COL9A3: variants seen among roughly 807,000 people sequenced by gnomAD.
COL9A3 encodes collagen alpha-3(IX) chain.
COL9A3 carries 82 observed loss-of-function variants against 110.2 expected under a neutral mutation model. That is an observed-to-expected ratio of 0.74 (90% confidence interval 0.62 to 0.89). The LOEUF (loss-of-function observed/expected upper bound fraction) is 0.89, where lower values mean the gene tolerates loss of function less well. COL9A3 is among the 40% of genes least tolerant of loss of function. The pLI is 0.00. For missense variants in COL9A3, 1,066 were observed against 981.3 expected (o/e 1.09, Z -1.15); for synonymous variants, 494 against 403.8 (o/e 1.22, Z -2.68).
intron 4 of COL9A3, 113 bp from the exon 5 acceptor site, chr20:62,819,816 C>A (rs1991059444): frequency 8.4e-7 from 1 of 1,189,290 alleles, no homozygotes; most frequent in African/African-American, 1.5e-5. Context: ...CCCTAAGGGT[C>A]TTCTATGCCT....
intron 16 of COL9A3, among the ~76,000 whole-genome samples, chr20:62,827,583 C>T (rs1378291097): frequency 1.3e-5 from 2 of 152,198 alleles, no homozygotes; most frequent in Non-Finnish European, 2.9e-5. Context: ...CCAGAGAAAA[C>T]GGCTCTCGGG....
intron 8 of COL9A3, 137 bp downstream of exon 8, chr20:62,821,947 CCCTGGCCAATGAT>C: frequency 1.3e-6 from 1 of 751,778 alleles, no homozygotes; most frequent in Non-Finnish European, 2.4e-6. Flanking sequence ...TTGGTAGAAG[CCCTGGCCAATGAT>C]CCAGACCCGA....
Position 62,818,520 on chromosome 20 carries a change from A to G in COL9A3, c.150A>G (p.Gly50=). ...CATGTGGGTGTCTTTCCTCACAGGG[A>G]GAAGCTGGTCCTCCAGGTCTGCCTG... is the stretch of plus-strand genomic sequence containing the variant. The part of the protein sequence containing the change: ...PGKPGQDGID[G]EAGPPGLPGP... The change falls in exon 3 of 32, where the codon GGA becomes GGG. Residue 50 remains glycine (G), a splice_region_variant and synonymous_variant. Coordinates refer to ENST00000649368, the MANE Select transcript of COL9A3 (RefSeq NM_001853.4). The G allele has an allele frequency of 1.2e-6, 2 of 1,613,110 alleles. No individual in the cohort carries two copies. The highest frequency in any genetic ancestry group is 8.5e-7 in the Non-Finnish European group (1 of 1,179,956).
Position 62,837,202 on chromosome 20 carries a change from G to A in COL9A3, c.1723G>A (p.Gly575Ser). The change falls in exon 30 of 32, where the codon GGC (glycine) becomes AGC (serine). Residue 575 changes from glycine (G) to serine (S), a missense_variant. Transcript: ENST00000649368. ...PGPPGSIGHP[G>S]ARGPPGYRGP... ...ACCCCCAGGCTCCATTGGTCACCCT[G>A]GCGCTCGAGGACCCCCTGGATACCG... The A allele has an allele frequency of 6.2e-7, 1 of 1,612,442 alleles. No individual in the cohort carries two copies. Among genetic ancestry groups the A allele is most frequent in the Non-Finnish European group, 8.5e-7 (1 of 1,179,704 alleles).
At chr20:62,835,818 A>G (rs2063630304) in intron 26 of COL9A3, 103 bp from the exon 27 acceptor site, 3 of 1,153,858 alleles carry the variant, frequency 2.6e-6, no homozygotes, top group South Asian at 1.2e-5. Flanking sequence ...ATGTAGTCTA[A>G]TAGCAGGTGT....
chr20:62,840,438 A>C (rs1272100930), intron 31 of COL9A3, 104 bp from the exon 32 acceptor site: 2 of 1,090,240 alleles, frequency 1.8e-6, no homozygotes, highest in African/African-American at 1.5e-5. Context: ...CCCCAAGTGA[A>C]GAGTGAGCAG....
chr20:62,838,484 G>A (rs1458979288), intron 30 of COL9A3, among the ~76,000 whole-genome samples, 200 bp from the exon 31 acceptor site: 1 of 152,252 alleles, frequency 6.6e-6, no homozygotes, highest in Non-Finnish European at 1.5e-5. Context: ...CAGCCGTCCT[G>A]CAGTCTAAGA....
At position 62,838,285 on chromosome 20, in the gene COL9A3, G is replaced by A. The variant is rs555643718; in HGVS notation, c.1787-399G>A. The stretch of plus-strand genomic sequence containing the variant: ...GCCCGGCCTCCTGCACCCCTGGGCC[G>A]TGTGCCAGAGCCTGGGGTTTATGGC... On this transcript the variant is annotated intron_variant, in intron 30 of 31. Coordinates refer to ENST00000649368, the MANE Select transcript of COL9A3 (RefSeq NM_001853.4). 5.9e-5 allele frequency among the ~76,000 whole-genome samples: 9 copies of A among 152,340 alleles called. No individual in the cohort carries two copies. In the East Asian group the frequency reaches 7.7e-4, roughly 13 times the overall value.
At chr20:62,836,644 C>T (rs2063639103) in intron 29 of COL9A3, 112 bp downstream of exon 29, 1 of 1,173,076 alleles carries the variant, frequency 8.5e-7, no homozygotes, top group Admixed American at 2.2e-5. Flanking sequence ...AAAGTGAGCC[C>T]CTAGCACTCA....
chr20:62,832,003 G>A lies in COL9A3; in HGVS notation c.1288-151G>A, dbSNP rs751558. 0.18 allele frequency: 146,102 copies of A among 804,356 alleles called. 15,983 individuals carry two copies. The highest frequency in any genetic ancestry group is 0.4 in the African/African-American group (23,595 of 58,430). The allele number at this position is 804,356 out of a possible 1,614,324, so 49.8% of individuals were successfully genotyped here. On this transcript the variant is annotated intron_variant, in intron 24 of 31. Coordinates refer to ENST00000649368, the MANE Select transcript of COL9A3 (RefSeq NM_001853.4). The stretch of plus-strand genomic sequence containing the variant: ...GGCTGTGAACGTGAGCTTGGCCTTT[G>A]GGCCTGTGTCTGGGAGCCGGTGTTC...
intron 6 of COL9A3, 134 bp downstream of exon 6, chr20:62,821,350 T>C: frequency 7.6e-7 from 1 of 1,320,524 alleles, no homozygotes; most frequent in Non-Finnish European, 1.1e-6. Flanking sequence ...CGGAGGCTGG[T>C]GCCTGGATGG....
intron 11 of COL9A3, 32 bp from the exon 12 acceptor site, chr20:62,824,936 G>C: frequency 6.3e-7 from 1 of 1,597,866 alleles, no homozygotes; most frequent in Non-Finnish European, 8.5e-7. Context: ...CGGGGGGTCT[G>C]GGTGGGGCAG....
chr20:62,836,157 C>T, intron 27 of COL9A3, 30 bp from the exon 28 acceptor site: 5 of 1,611,064 alleles, frequency 3.1e-6, no homozygotes, highest in Non-Finnish European at 4.2e-6. Context: ...TGGGCTCGCC[C>T]CTGACCCACC....
At chr20:62,837,618 C>T (rs573447041) in intron 30 of COL9A3, among the ~76,000 whole-genome samples, 26 of 150,532 alleles carry the variant, frequency 1.7e-4, no homozygotes, top group Non-Finnish European at 3.7e-4. Flanking sequence ...ACCAGCCTGA[C>T]CAACATGGTG....
At chr20:62,837,346 G>A (rs979222820) in intron 30 of COL9A3, 81 bp downstream of exon 30, 60 of 1,467,212 alleles carry the variant, frequency 4.1e-5, no homozygotes, top group Non-Finnish European at 4.7e-5. Flanking sequence ...TGCTTCTGGT[G>A]CCTGCCATGC....
chr20:62,822,055 C>T, intron 8 of COL9A3, 56 bp from the exon 9 acceptor site: 4 of 1,046,472 alleles, frequency 3.8e-6, no homozygotes, highest in Non-Finnish European at 6.0e-6. Flanking sequence ...AGAAGCCGGG[C>T]ACCTCACTCA....
At chr20:62,835,109 AC>A (rs151320230) in intron 26 of COL9A3, among the ~76,000 whole-genome samples, 2,365 of 151,920 alleles carry the variant, frequency 0.016, 24 homozygotes, top group Non-Finnish European at 0.025. Context: ...GTGACCCCCT[AC>A]CCTCCTGGCC....
chr20:62,828,589 C>T (rs975323505), intron 17 of COL9A3, among the ~76,000 whole-genome samples, 175 bp from the exon 18 acceptor site: 10 of 152,372 alleles, frequency 6.6e-5, no homozygotes, highest in African/African-American at 1.7e-4. Context: ...GTGCGGTCAC[C>T]GAGGCAGCAC....
intron 29 of COL9A3, 66 bp from the exon 30 acceptor site, chr20:62,837,017 C>T: frequency 1.3e-6 from 2 of 1,580,628 alleles, no homozygotes; most frequent in Non-Finnish European, 1.7e-6. Flanking sequence ...ATATTTTATG[C>T]TTTACGTAAC....
Sources: allele counts gnomAD v4.1 joint callset (sites outside exome capture counted in the v4.1 genomes callset), GRCh38; gene constraint gnomAD v4.1.1; transcripts MANE v1.5; gene names NCBI Gene and HGNC (gene_info 2026-07-23, HGNC 2026-07-21).